The following ROBO2 variants were observed in gnomAD, a reference collection of about 807,000 sequenced individuals.
ROBO2 encodes roundabout homolog 2.
A neutral mutation model predicts 160.8 loss-of-function variants in ROBO2; 53 were observed. The ratio of observed to expected loss-of-function variants is 0.33; its 90% confidence interval spans 0.26 to 0.41. The LOEUF is 0.41. Ranked by LOEUF, ROBO2 falls within the 10% of genes least tolerant of loss-of-function variation. ROBO2 has a pLI of 1.00. For synonymous variants in ROBO2, 664 were observed against 611.7 expected (o/e 1.09, Z -1.26); for missense variants, 1,577 against 1,722.4 (o/e 0.92, Z 1.49).
intron 2 of ROBO2, among the ~76,000 whole-genome samples, chr3:77,323,898 A>G (rs906946669): frequency 6.6e-6 from 1 of 152,184 alleles, no homozygotes; most frequent in Non-Finnish European, 1.5e-5. Flanking sequence ...ACCAAATTCC[A>G]AACATGTTTT....
chr3:77,180,416 C>CTCTCTCTCTCTATATATA (rs1433740534), intron 2 of ROBO2, among the ~76,000 whole-genome samples: 37 of 90,716 alleles, frequency 4.1e-4, no homozygotes, highest in South Asian at 1.1e-3. Context: ...CTCTCTCTCT[C>CTCTCTCTCTCTATATATA]TATATATATA....
At chr3:76,471,884 T>C (rs1180652710) in intron 2 of ROBO2, among the ~76,000 whole-genome samples, 1 of 152,034 alleles carries the variant, frequency 6.6e-6, no homozygotes, top group East Asian at 1.9e-4. Context: ...GCCCATCAGA[T>C]CTCATGAGAA....
chr3:76,457,750 C>T (rs527237261), intron 2 of ROBO2, among the ~76,000 whole-genome samples: 94 of 152,282 alleles, frequency 6.2e-4, no homozygotes, highest in African/African-American at 1.6e-3. Flanking sequence ...GAAATCTAGG[C>T]GGAGGTTCCC....
intron 13 of ROBO2, among the ~76,000 whole-genome samples, chr3:77,570,178 C>T (rs115419089): frequency 0.013 from 1,972 of 152,062 alleles, 51 homozygotes; most frequent in African/African-American, 0.046. Flanking sequence ...AGTTATAAGG[C>T]GGATTCTTTT....
intron 2 of ROBO2, among the ~76,000 whole-genome samples, chr3:77,034,567 G>A (rs748637184): frequency 2.0e-5 from 3 of 151,840 alleles, no homozygotes; most frequent in Admixed American, 6.6e-5. Flanking sequence ...GATTAATTCC[G>A]TGATAGTATT....
rs568658492 is a variant in ROBO2 at position 76,004,864 on chromosome 3, A to G, written c.109+67262A>G. ...ATTCATCAAAATGAACACTTAAGAA[A>G]GAAAATGCTGTTATTATTGTTTGGA... is the stretch of plus-strand genomic sequence containing the variant. On this transcript the variant is annotated intron_variant, in intron 2 of 26. Transcript: ENST00000487694. Among the ~76,000 whole-genome samples, 108 of 152,368 alleles carry G rather than the reference A, an allele frequency of 7.1e-4. 1 individual carries two copies. The South Asian group carries it at 0.022, about 31-fold the overall frequency.
At chr3:77,006,031 A>G (rs553055337) in intron 2 of ROBO2, among the ~76,000 whole-genome samples, 13 of 143,120 alleles carry the variant, frequency 9.1e-5, no homozygotes, top group Non-Finnish European at 1.8e-4. Flanking sequence ...AGCTTTAGAT[A>G]TATTTGCTTA....
At chr3:76,887,703 A>G (rs2074017505) in intron 2 of ROBO2, among the ~76,000 whole-genome samples, 1 of 152,196 alleles carries the variant, frequency 6.6e-6, no homozygotes, top group Non-Finnish European at 1.5e-5. Context: ...TTCACCTGCA[A>G]TTACATTATG....
chr3:77,566,060 T>C (rs995856873), intron 12 of ROBO2, among the ~76,000 whole-genome samples: 8 of 152,144 alleles, frequency 5.3e-5, no homozygotes, highest in Admixed American at 5.2e-4. Context: ...GAACAAGATA[T>C]AATTCAAAGT....
intron 2 of ROBO2, among the ~76,000 whole-genome samples, chr3:76,155,402 G>A (rs1267593059): frequency 6.6e-6 from 1 of 152,074 alleles, no homozygotes; most frequent in Non-Finnish European, 1.5e-5. Flanking sequence ...TATGAAAAAT[G>A]CTACTGGAAA....
At chr3:77,219,489 GTATA>G (rs10654899) in intron 2 of ROBO2, among the ~76,000 whole-genome samples, 37 of 111,468 alleles carry the variant, frequency 3.3e-4, no homozygotes, top group Admixed American at 1.2e-3. Flanking sequence ...TATATAATCT[GTATA>G]TATATATATA....
At chr3:76,608,605 T>C (rs2087839902) in intron 2 of ROBO2, among the ~76,000 whole-genome samples, 1 of 152,232 alleles carries the variant, frequency 6.6e-6, no homozygotes, top group South Asian at 2.1e-4. Context: ...ATTTTTGCTT[T>C]GCTTTCCTGT....
At chr3:77,447,441 AG>A (rs2080654275) in intron 2 of ROBO2, among the ~76,000 whole-genome samples, 1 of 152,160 alleles carries the variant, frequency 6.6e-6, no homozygotes, top group South Asian at 2.1e-4. Context: ...AAATTAAAAT[AG>A]ACTGTTAAAA....
intron 2 of ROBO2, among the ~76,000 whole-genome samples, chr3:76,357,304 C>G (rs2075231732): frequency 6.6e-6 from 1 of 151,908 alleles, no homozygotes; most frequent in African/African-American, 2.4e-5. Context: ...CACACATGAA[C>G]ACAAAGGCAG....
intron 2 of ROBO2, among the ~76,000 whole-genome samples, chr3:76,746,745 C>T (rs535308538): frequency 6.6e-6 from 1 of 152,182 alleles, no homozygotes; most frequent in Admixed American, 6.6e-5. Context: ...ACAGAACAAC[C>T]CATCACCTAG....
rs1346641160 is a variant in ROBO2 at position 77,228,152 on chromosome 3, A to G, written c.388+129812A>G. 3.9e-5 allele frequency among the ~76,000 whole-genome samples: 6 copies of G among 152,128 alleles called. No individual in the cohort carries two copies. In the East Asian group the frequency reaches 9.6e-4, roughly 24 times the overall value. ...TAGTATCCAAACTAGTAATATTTAC[A>G]GGAATTTTATTTTTATTTTTGTTTC... On this transcript the variant is annotated intron_variant, in intron 2 of 25. Transcript: ENST00000461745.
intron 2 of ROBO2, among the ~76,000 whole-genome samples, chr3:76,915,560 C>T (rs1246336177): frequency 2.0e-5 from 3 of 151,046 alleles, no homozygotes; most frequent in Admixed American, 1.3e-4. Context: ...ACCCCAGCTA[C>T]TCGGGAGGCT....
intron 2 of ROBO2, among the ~76,000 whole-genome samples, chr3:77,271,493 G>C (rs2153354679): frequency 6.6e-6 from 1 of 152,282 alleles, no homozygotes; most frequent in East Asian, 1.9e-4. Flanking sequence ...AGAAGTAACA[G>C]CTGAAGGATT....
intron 2 of ROBO2, among the ~76,000 whole-genome samples, chr3:75,937,841 TTATATATATATATATATATATA>T (rs1158457510): frequency 9.5e-6 from 1 of 105,526 alleles, no homozygotes; most frequent in Non-Finnish European, 1.8e-5. Context: ...GGAATTGATT[TTATATATATATATATATATATA>T]TATATATATA....
Sources: gnomAD v4.1 joint callset for allele counts (sites outside exome capture counted in the v4.1 genomes callset) on GRCh38, gnomAD v4.1.1 for gene constraint, MANE v1.5 for transcripts, NCBI Gene and HGNC (gene_info 2026-07-23, HGNC 2026-07-21) for gene names.